The following MALRD1 variants were observed in gnomAD, a reference collection of about 807,000 sequenced individuals.
MALRD1 encodes the protein MAM and LDL-receptor class A domain-containing protein 1.
Under a neutral mutation model 242.1 loss-of-function variants are expected in MALRD1, and 247 were observed. That is an observed-to-expected ratio of 1.02 (90% confidence interval 0.92 to 1.13). The LOEUF is 1.13. Among genes scored for constraint, MALRD1 ranks in the 50% most tolerant of loss-of-function variants. The pLI, the probability that MALRD1 is intolerant of heterozygous loss-of-function variation, is 0.00. For missense variants in MALRD1, 2,989 were observed against 2,533.1 expected, an observed-to-expected ratio of 1.18 and a Z score of -3.86; for synonymous variants, 995 against 866.6, an observed-to-expected ratio of 1.15 and a Z score of -2.60.
At chr10:19,283,810 G>T (rs576709282) in intron 21 of MALRD1, among the ~76,000 whole-genome samples, 1 of 152,066 alleles carries the variant, frequency 6.6e-6, no homozygotes, top group Non-Finnish European at 1.5e-5. Flanking sequence ...TTAATTTCAC[G>T]TTATCTCAAT....
chr10:19,524,975 C>T (rs928328119), intron 31 of MALRD1, among the ~76,000 whole-genome samples: 1 of 151,958 alleles, frequency 6.6e-6, no homozygotes, highest in Admixed American at 6.6e-5. Flanking sequence ...ATAATCTCGG[C>T]TTACTGCAAC....
chr10:19,120,248 C>T (rs1837014599), intron 5 of MALRD1, among the ~76,000 whole-genome samples: 2 of 151,792 alleles, frequency 1.3e-5, no homozygotes, highest in Non-Finnish European at 2.9e-5. Flanking sequence ...GTAACACAAT[C>T]AGAAAACCAG....
Position 19,643,798 on chromosome 10 carries a change from C to T in MALRD1, c.6137+27875C>T, listed in dbSNP as rs115691687. On this transcript the variant is annotated intron_variant, in intron 36 of 39. Coordinates refer to ENST00000454679, the MANE Select transcript of MALRD1 (RefSeq NM_001142308.3). ...TTCTCTCCCTTTCTTCTCCCATACTCGGTGCCTGGAATGCTGGCCATCCTG... is the reference window on the plus strand; with the variant it reads ...TTCTCTCCCTTTCTTCTCCCATACTTGGTGCCTGGAATGCTGGCCATCCTG... 9.2e-3 allele frequency among the ~76,000 whole-genome samples: 1,404 copies of T among 152,272 alleles called. 19 individuals carry two copies. The highest frequency in any genetic ancestry group is 0.032 in the African/African-American group (1,316 of 41,548).
At chr10:19,381,183 G>A (rs917925604) in intron 26 of MALRD1, among the ~76,000 whole-genome samples, 2 of 150,500 alleles carry the variant, frequency 1.3e-5, no homozygotes, top group Non-Finnish European at 2.9e-5. Flanking sequence ...TCTTGCAATA[G>A]TTTACTGAGA....
At chr10:19,110,975 A>G (rs1402814644) in intron 5 of MALRD1, among the ~76,000 whole-genome samples, 2 of 152,186 alleles carry the variant, frequency 1.3e-5, no homozygotes, top group South Asian at 2.1e-4. Context: ...TTGCATTACA[A>G]ATTTACAAAC....
intron 26 of MALRD1, among the ~76,000 whole-genome samples, chr10:19,379,180 C>T (rs912060940): frequency 4.6e-5 from 7 of 151,912 alleles, no homozygotes; most frequent in Admixed American, 3.9e-4. Flanking sequence ...TAATCTTTGT[C>T]TTATTTTTAT....
intron 29 of MALRD1, among the ~76,000 whole-genome samples, chr10:19,490,139 C>T (rs7086129): frequency 6.6e-6 from 1 of 151,800 alleles, no homozygotes. Context: ...TGGTACATGT[C>T]TTAGGAATTG....
intron 18 of MALRD1, among the ~76,000 whole-genome samples, chr10:19,242,408 G>A (rs554205061): frequency 5.3e-4 from 81 of 152,166 alleles, no homozygotes; most frequent in Non-Finnish European, 1.0e-3. Context: ...ACCATATCAG[G>A]TGAGATCTTC....
At chr10:19,697,674 A>T (rs913739538) in intron 38 of MALRD1, among the ~76,000 whole-genome samples, 3 of 152,100 alleles carry the variant, frequency 2.0e-5, no homozygotes, top group Admixed American at 6.6e-5. Context: ...TATTGAGAGG[A>T]CCCTCGGGCA....
chr10:19,153,126 A>T (rs1360676380), intron 11 of MALRD1, among the ~76,000 whole-genome samples: 1 of 152,190 alleles, frequency 6.6e-6, no homozygotes, highest in African/African-American at 2.4e-5. Context: ...GTAACTGAAT[A>T]TGGAGACCGA....
chr10:19,175,424 T>C, intron 14 of MALRD1, 96 bp downstream of exon 14: 1 of 860,942 alleles, frequency 1.2e-6, no homozygotes, highest in Non-Finnish European at 1.5e-6. Context: ...GAATACCTAA[T>C]ACAGGGTGTG....
intron 36 of MALRD1, among the ~76,000 whole-genome samples, chr10:19,648,826 A>G (rs1840753135): frequency 6.6e-6 from 1 of 152,104 alleles, no homozygotes; most frequent in Non-Finnish European, 1.5e-5. Context: ...TGTTGTACAT[A>G]ATATTTCATC....
intron 21 of MALRD1, among the ~76,000 whole-genome samples, chr10:19,308,270 A>G (rs1040564040): frequency 6.6e-5 from 10 of 151,414 alleles, no homozygotes; most frequent in African/African-American, 2.4e-4. Flanking sequence ...GTGTGTAATG[A>G]TCAGAACAGG....
chr10:19,542,524 A>C (rs973358635), intron 32 of MALRD1, among the ~76,000 whole-genome samples: 12 of 151,954 alleles, frequency 7.9e-5, no homozygotes, highest in African/African-American at 2.9e-4. Context: ...AGAGGTTAGA[A>C]TCTCCTGATG....
chr10:19,235,613 A>C (rs199766772), intron 18 of MALRD1, among the ~76,000 whole-genome samples: 158 of 143,840 alleles, frequency 1.1e-3, no homozygotes, highest in African/African-American at 3.7e-3. Flanking sequence ...AGAGAGAGAG[A>C]GCGCCTAGGT....
intron 36 of MALRD1, among the ~76,000 whole-genome samples, chr10:19,667,171 C>G (rs908093969): frequency 2.0e-5 from 3 of 152,078 alleles, no homozygotes; most frequent in African/African-American, 7.2e-5. Flanking sequence ...AAACTTTGGA[C>G]TGAGGCCAGG....
chr10:19,489,337 G>A, intron 29 of MALRD1: 1 of 536,932 alleles, frequency 1.9e-6, no homozygotes, highest in Non-Finnish European at 3.7e-6. Flanking sequence ...CAGAAAACGG[G>A]GAAAGGAAAA....
intron 2 of MALRD1, among the ~76,000 whole-genome samples, chr10:19,072,623 GA>G (rs1835188510): frequency 6.6e-6 from 1 of 152,066 alleles, no homozygotes; most frequent in Admixed American, 6.6e-5. Flanking sequence ...AATGAATAAA[GA>G]ATATAATTCT....
chr10:19,496,569 G>A (rs1347354056), intron 30 of MALRD1, among the ~76,000 whole-genome samples: 1 of 152,142 alleles, frequency 6.6e-6, no homozygotes, highest in Non-Finnish European at 1.5e-5. Flanking sequence ...TGTTAAGAGG[G>A]AAATTTATAG....
Sources: gnomAD v4.1 joint callset for allele counts (sites outside exome capture counted in the v4.1 genomes callset) on GRCh38, gnomAD v4.1.1 for gene constraint, MANE v1.5 for transcripts, NCBI Gene and HGNC (gene_info 2026-07-23, HGNC 2026-07-21) for gene names.